The following CBR4 variants were observed in gnomAD, a reference collection of about 807,000 sequenced individuals.
CBR4 encodes 3-oxoacyl-[acyl-carrier-protein] reductase.
In CBR4, 22 loss-of-function variants were observed where a neutral mutation model predicts 21.0. That is an observed-to-expected ratio of 1.05 (90% CI 0.75 to 1.50). The LOEUF (loss-of-function observed/expected upper bound fraction) is 1.50, where lower values mean the gene tolerates loss of function less well. CBR4 is among the 40% of genes most tolerant of loss of function. CBR4 has a pLI of 0.00. For missense variants in CBR4, 302 were observed against 286.3 expected, an observed-to-expected ratio of 1.05 and a Z score of -0.40; for synonymous variants, 100 against 104.4, an observed-to-expected ratio of 0.96 and a Z score of 0.26.
chr4:168,954,523 T>TAATA lies in CBR4; in HGVS notation n.169+47544_169+47547dup, dbSNP rs1464690836. On this transcript the variant is annotated intron_variant and non_coding_transcript_variant, in intron 2 of 3. Transcript: ENST00000509108. ...AATCACCTCTTAAAAGTACCACCTCTAATACTATCACAATGGCAATTAAAT... is the reference window on the plus strand; with the variant it reads ...AATCACCTCTTAAAAGTACCACCTCTAATAAATACTATCACAATGGCAATTAAAT... 7.2e-5 allele frequency among the ~76,000 whole-genome samples: 11 copies of TAATA among 152,312 alleles called. No homozygotes were observed. In the East Asian group the frequency reaches 2.1e-3, roughly 29 times the overall value.
chr4:168,926,641 G>T, intron 2 of CBR4: 1 of 378,882 alleles, frequency 2.6e-6, no homozygotes, highest in Admixed American at 4.2e-5. Flanking sequence ...TGATTAAAGT[G>T]ATCAAAATGC....
chr4:168,954,778 G>T (rs1763637584), intron 2 of CBR4, among the ~76,000 whole-genome samples: 1 of 152,250 alleles, frequency 6.6e-6, no homozygotes, highest in Non-Finnish European at 1.5e-5. Flanking sequence ...GTATTAGATA[G>T]GCAAAGAAAA....
Position 168,914,011 on chromosome 4 carries a change from C to T in CBR4, n.170-19246G>A. The stretch of plus-strand genomic sequence containing the variant: ...TCCCCGGTCTCCCTCAGGCCATCCT[C>T]ATGTCAGAAGGTATTTAACATGTTC... On this transcript the variant is annotated intron_variant and non_coding_transcript_variant, in intron 2 of 3. Coordinates refer to the CBR4 transcript ENST00000509108. The T allele has an allele frequency of 5.6e-6, 9 of 1,596,014 alleles. 1 individual carries two copies. Among genetic ancestry groups the T allele is most frequent in the South Asian group, 1.1e-5 (1 of 90,680 alleles).
intron 2 of CBR4, among the ~76,000 whole-genome samples, chr4:168,941,953 T>C (rs2126680298): frequency 6.6e-6 from 1 of 152,298 alleles, no homozygotes; most frequent in Non-Finnish European, 1.5e-5. Context: ...TGCAGCCGTA[T>C]TTACAGTAGC....
At chr4:168,907,948 G>A (rs6839052) in intron 2 of CBR4, among the ~76,000 whole-genome samples, 105,621 of 152,030 alleles carry the variant, frequency 0.69, 38,107 homozygotes, top group East Asian at 0.96. Context: ...GACACTCCCA[G>A]CATCTTAAGG....
chr4:168,979,058 G>C (rs1359714134), intron 2 of CBR4, among the ~76,000 whole-genome samples: 5 of 152,050 alleles, frequency 3.3e-5, no homozygotes, highest in Non-Finnish European at 7.4e-5. Context: ...GCACAGCATA[G>C]CATGCCTTGC....
At chr4:168,955,883 T>A (rs28706141) in intron 2 of CBR4, among the ~76,000 whole-genome samples, 1,730 of 152,130 alleles carry the variant, frequency 0.011, 49 homozygotes, top group African/African-American at 0.04. Context: ...AAGGTGAGAT[T>A]AAAATGAGTC....
intron 2 of CBR4, chr4:168,896,424 A>T: frequency 1.5e-6 from 1 of 673,614 alleles, no homozygotes. Context: ...GTGAGTACTC[A>T]CAGCACCGTT....
At chr4:168,999,027 GTT>G (rs1384118846) in intron 4 of CBR4, among the ~76,000 whole-genome samples, 1 of 152,052 alleles carries the variant, frequency 6.6e-6, no homozygotes, top group African/African-American at 2.4e-5. Context: ...AGCCATTACA[GTT>G]TCCATTTATC....
intron 2 of CBR4, among the ~76,000 whole-genome samples, chr4:168,924,101 G>GAAT (rs1383247397): frequency 3.9e-5 from 6 of 152,150 alleles, no homozygotes; most frequent in African/African-American, 1.4e-4. Context: ...CTTGGTAAAA[G>GAAT]AATAATTTGG....
intron 2 of CBR4, among the ~76,000 whole-genome samples, chr4:168,951,029 G>C (rs1451731628): frequency 1.3e-5 from 2 of 151,968 alleles, no homozygotes; most frequent in Admixed American, 1.3e-4. Context: ...TGGTTTGTGA[G>C]TTCTTATCCA....
At chr4:169,009,088 A>T (rs1185789604) in intron 1 of CBR4, 1 of 446,104 alleles carries the variant, frequency 2.2e-6, no homozygotes, top group African/African-American at 2.1e-5. Flanking sequence ...CCAGATACAC[A>T]AAAACAGTAA....
At chr4:168,909,494 T>C (rs183389309) in intron 2 of CBR4, among the ~76,000 whole-genome samples, 1 of 152,214 alleles carries the variant, frequency 6.6e-6, no homozygotes. Context: ...TGGATTTGTT[T>C]GGAATGGAAA....
chr4:168,947,394 T>C (rs1763421703), intron 2 of CBR4, among the ~76,000 whole-genome samples: 2 of 152,272 alleles, frequency 1.3e-5, no homozygotes, highest in African/African-American at 4.8e-5. Context: ...TTTTCTTTTC[T>C]TTTTCCCCAT....
At position 169,002,166 on chromosome 4, in the gene CBR4, AC is replaced by A; in HGVS notation, c.439del (p.Val147PhefsTer9). On this transcript the variant is annotated frameshift_variant, in exon 4 of 5. Coordinates refer to ENST00000306193, the MANE Select transcript of CBR4 (RefSeq NM_032783.5). LOFTEE classifies it high-confidence loss of function. ...TAATCCTCCTTTACTGGCACTGTAA[AC>A]GGACTGGCCAGAGTTGCCTTTTAAG... ...VGLKGNSGQS[V>X]YSASKGGLVG... The A allele has an allele frequency of 6.3e-7, 1 of 1,577,836 alleles. No individual in the cohort carries two copies. Among genetic ancestry groups the A allele is most frequent in the Non-Finnish European group, 8.6e-7 (1 of 1,162,840 alleles).
intron 2 of CBR4, among the ~76,000 whole-genome samples, chr4:168,956,140 T>C (rs1227878205): frequency 1.3e-5 from 2 of 152,198 alleles, no homozygotes; most frequent in Non-Finnish European, 2.9e-5. Flanking sequence ...AGAACCCATA[T>C]GTTTCAGATC....
chr4:168,943,959 T>C (rs1337192073), intron 2 of CBR4, among the ~76,000 whole-genome samples: 1 of 152,040 alleles, frequency 6.6e-6, no homozygotes, highest in Non-Finnish European at 1.5e-5. Context: ...GATAATGCAA[T>C]ACCATTTTAC....
At position 168,924,465 on chromosome 4, in the gene CBR4, A is replaced by G. The variant is rs374680638; in HGVS notation, n.170-29700T>C. On this transcript the variant is annotated intron_variant and non_coding_transcript_variant, in intron 2 of 3. Coordinates refer to the CBR4 transcript ENST00000509108. ...ACCTGATCCTTAACTGTTCAGTCCTAATGATGTATCAAAAGATACATTTTA... is the reference window on the plus strand; with the variant it reads ...ACCTGATCCTTAACTGTTCAGTCCTGATGATGTATCAAAAGATACATTTTA... 20 of 1,516,074 alleles carry G rather than the reference A, an allele frequency of 1.3e-5. No homozygotes were observed. In the African/African-American group the frequency reaches 1.9e-4, roughly 15 times the overall value. The allele number at this position is 1,516,074 out of a possible 1,614,324, so 93.9% of individuals were successfully genotyped here. A position where few individuals can be genotyped will look rare whatever the true frequency, so the allele number is the denominator to read the frequency against.
intron 3 of CBR4, among the ~76,000 whole-genome samples, chr4:169,003,146 T>C (rs1295534250): frequency 6.6e-6 from 1 of 152,234 alleles, no homozygotes. Context: ...TATAAGTCTA[T>C]AGCAGTCATA....
Sources: gnomAD v4.1 joint callset for allele counts (sites outside exome capture counted in the v4.1 genomes callset) on GRCh38, gnomAD v4.1.1 for gene constraint, MANE v1.5 for transcripts, NCBI Gene and HGNC (gene_info 2026-07-23, HGNC 2026-07-21) for gene names.